Variants in CHL1 observed in about 807,000 individuals in gnomAD.
The protein encoded by CHL1 is neural cell adhesion molecule L1-like protein.
CHL1 carries 96 observed loss-of-function variants against 141.9 expected under a neutral mutation model. The ratio of observed to expected loss-of-function variants is 0.68; its 90% CI spans 0.57 to 0.80. The LOEUF is 0.80. Ranked by LOEUF, CHL1 falls within the 30% of genes least tolerant of loss-of-function variation. CHL1 has a pLI of 0.00. For missense variants in CHL1, 1,820 were observed against 1,457.2 expected, an observed-to-expected ratio of 1.25 and a Z score of -4.05; for synonymous variants, 613 against 502.2, an observed-to-expected ratio of 1.22 and a Z score of -2.95.
chr3:281,139 A>G (rs1245887613), intron 2 of CHL1, among the ~76,000 whole-genome samples: 5 of 152,160 alleles, frequency 3.3e-5, no homozygotes, highest in African/African-American at 1.2e-4. Flanking sequence ...AACACCCAGC[A>G]TATCTCCTCA....
intron 5 of CHL1, among the ~76,000 whole-genome samples, chr3:340,526 C>T (rs1037017929): frequency 4.6e-5 from 7 of 152,200 alleles, no homozygotes; most frequent in South Asian, 2.1e-4. Flanking sequence ...GAAATATGCA[C>T]AAGTATGTTA....
At chr3:318,431 A>G (rs1345160431) in intron 2 of CHL1, among the ~76,000 whole-genome samples, 1 of 151,858 alleles carries the variant, frequency 6.6e-6, no homozygotes, top group South Asian at 2.1e-4. Context: ...TACCTGAAAG[A>G]CTAATTCTCA....
At chr3:324,747 C>T (rs1037410854) in intron 3 of CHL1, among the ~76,000 whole-genome samples, 5 of 151,724 alleles carry the variant, frequency 3.3e-5, no homozygotes, top group Non-Finnish European at 7.4e-5. Flanking sequence ...CAAAATTAAT[C>T]CAGTTAATTT....
intron 16 of CHL1, among the ~76,000 whole-genome samples, chr3:379,878 A>G (rs1278867409): frequency 6.6e-6 from 1 of 152,188 alleles, no homozygotes; most frequent in Non-Finnish European, 1.5e-5. Context: ...AAATAATTAT[A>G]TAGACACATA....
chr3:286,294 A>G (rs1697134391), intron 2 of CHL1, among the ~76,000 whole-genome samples: 1 of 152,120 alleles, frequency 6.6e-6, no homozygotes, highest in Admixed American at 6.5e-5. Context: ...GCAAGTCCAT[A>G]GAGTAAAGTG....
At chr3:211,418 T>G (rs928044527) in intron 1 of CHL1, among the ~76,000 whole-genome samples, 1 of 152,218 alleles carries the variant, frequency 6.6e-6, no homozygotes, top group Admixed American at 6.5e-5. Context: ...TAGAGCTTTC[T>G]TGAGCTGCTT....
chr3:286,934 T>G (rs1697210771), intron 2 of CHL1, among the ~76,000 whole-genome samples: 1 of 152,094 alleles, frequency 6.6e-6, no homozygotes, highest in Non-Finnish European at 1.5e-5. Flanking sequence ...AGAGGTCACT[T>G]TCATTACCAT....
At chr3:405,050 C>T (rs1709427824) in intron 27 of CHL1, among the ~76,000 whole-genome samples, 1 of 152,100 alleles carries the variant, frequency 6.6e-6, no homozygotes, top group African/African-American at 2.4e-5. Flanking sequence ...GCACTAATAT[C>T]ATTCACTAGG....
chr3:199,243 A>ATG (rs1698704275), intron 1 of CHL1, among the ~76,000 whole-genome samples: 1 of 152,222 alleles, frequency 6.6e-6, no homozygotes, highest in South Asian at 2.1e-4. Context: ...GAGCAAATCA[A>ATG]TGGAGACAAA....
chr3:271,174 G>C (rs1488380074), intron 2 of CHL1, among the ~76,000 whole-genome samples: 1 of 152,194 alleles, frequency 6.6e-6, no homozygotes, highest in African/African-American at 2.4e-5. Context: ...AAGGATTGTG[G>C]GGAGGGGGAA....
At chr3:249,051 T>C (rs1003424705) in intron 2 of CHL1, among the ~76,000 whole-genome samples, 2 of 152,192 alleles carry the variant, frequency 1.3e-5, no homozygotes, top group African/African-American at 4.8e-5. Context: ...AAAAATACCA[T>C]GTAAAACATT....
intron 2 of CHL1, among the ~76,000 whole-genome samples, chr3:305,536 G>A (rs1291538645): frequency 1.3e-5 from 2 of 151,850 alleles, no homozygotes; most frequent in South Asian, 2.1e-4. Context: ...TGAATTTCGA[G>A]TGCCTAGTAA....
At chr3:344,539 T>G in intron 8 of CHL1, 50 bp from the exon 9 acceptor site, 1 of 1,435,202 alleles carries the variant, frequency 7.0e-7, no homozygotes, top group Non-Finnish European at 9.6e-7. Flanking sequence ...TCACAGAATT[T>G]TATGTATATT....
intron 23 of CHL1, among the ~76,000 whole-genome samples, chr3:393,100 G>T (rs1032417019): frequency 6.6e-6 from 1 of 152,098 alleles, no homozygotes; most frequent in Non-Finnish European, 1.5e-5. Flanking sequence ...AGGCGTGGTG[G>T]TGGGCCCCTG....
intron 1 of CHL1, chr3:198,196 G>T: frequency 1.7e-5 from 3 of 176,726 alleles, no homozygotes; most frequent in Admixed American, 6.2e-5. Context: ...GCGGCGGAGG[G>T]CAGGTGTGCG....
intron 1 of CHL1, among the ~76,000 whole-genome samples, chr3:233,150 C>T (rs149981985): frequency 5.3e-5 from 8 of 152,110 alleles, no homozygotes; most frequent in South Asian, 2.1e-4. Context: ...TACAAATCCA[C>T]GATGGTCTTT....
chr3:359,949 A>G lies in CHL1; in HGVS notation c.1166-335A>G, dbSNP rs1704067031. 2.0e-5 allele frequency among the ~76,000 whole-genome samples: 3 copies of G among 152,204 alleles called. No individual in the cohort carries two copies. The South Asian group carries it at 6.2e-4, about 31-fold the overall frequency. ...GGCAGCATCAGTGTCTAAATTCAGA[A>G]GAGTAACAGAGTGTCACTTCATCAT... On this transcript the variant is annotated intron_variant, in intron 11 of 27. Transcript: ENST00000256509.
Position 320,006 on chromosome 3 carries a change from A to G in CHL1, c.91+139A>G, listed in dbSNP as rs1349816055. ...CTTTAGCAATCTGTCATGAGAATTC[A>G]TATCTATCTTTTTCGTTTTGTGGGT... On this transcript the variant is annotated intron_variant, in intron 3 of 27. Transcript: ENST00000256509. 4 of 577,530 alleles carry G rather than the reference A, an allele frequency of 6.9e-6. No individual in the cohort carries two copies. In the Admixed American group the frequency reaches 9.9e-5, roughly 14 times the overall value. The allele number at this position is 577,530 out of a possible 1,614,324, so 35.8% of individuals were successfully genotyped here. A position where few individuals can be genotyped will look rare whatever the true frequency, so the allele number is the denominator to read the frequency against.
At chr3:395,239 T>G (rs1708575068) in intron 24 of CHL1, among the ~76,000 whole-genome samples, 1 of 152,192 alleles carries the variant, frequency 6.6e-6, no homozygotes, top group Non-Finnish European at 1.5e-5. Flanking sequence ...AGAAAAATAT[T>G]TGGCTCTTCC....
Sources: allele counts gnomAD v4.1 joint callset (sites outside exome capture counted in the v4.1 genomes callset), GRCh38; gene constraint gnomAD v4.1.1; transcripts MANE v1.5; gene names NCBI Gene and HGNC (gene_info 2026-07-23, HGNC 2026-07-21).